Variants in TEX2 observed in about 807,000 individuals in gnomAD.
The protein encoded by TEX2 is testis-expressed protein 2.
A neutral mutation model predicts 106.9 loss-of-function variants in TEX2; 53 were observed. That is an observed-to-expected ratio of 0.50 (90% CI 0.40 to 0.62). TEX2 has a LOEUF of 0.62. Among genes scored for constraint, TEX2 ranks in the 20% least tolerant of loss-of-function variants. The pLI is 0.00. For synonymous variants in TEX2, 523 were observed against 534.8 expected, an observed-to-expected ratio of 0.98 and a Z score of 0.30; for missense variants, 1,207 against 1,379.0, an observed-to-expected ratio of 0.88 and a Z score of 1.98.
intron 2 of TEX2, among the ~76,000 whole-genome samples, chr17:64,203,095 ACC>A (rs2032721336): frequency 6.6e-6 from 1 of 152,230 alleles, no homozygotes; most frequent in Non-Finnish European, 1.5e-5. Flanking sequence ...AAGAACTACT[ACC>A]GTGCTTTCAG....
In TEX2 at chr17:64,213,959, C is replaced by A. The variant is rs782713537; in HGVS notation, c.259G>T (p.Gly87Cys). The A allele has an allele frequency of 6.2e-7, 1 of 1,614,032 alleles. No homozygotes were observed. The highest frequency in any genetic ancestry group is 1.3e-5 in the African/African-American group (1 of 74,912). ...LEPQVGHDPA[G>C]PAASPVLADG... ...GCCAGGACAGGCGAGGCAGCAGGGCCGGCGGGGTCATGGCCAACTTGGGGT... is the reference window on the plus strand; with the variant it reads ...GCCAGGACAGGCGAGGCAGCAGGGCAGGCGGGGTCATGGCCAACTTGGGGT... The change falls in exon 2 of 12, where the codon GGC (glycine) becomes TGC (cysteine). Residue 87 changes from glycine (G) to cysteine (C), a missense_variant. Gly to Cys is a radical substitution (Grantham distance 159). Coordinates refer to ENST00000584379, the MANE Select transcript of TEX2 (RefSeq NM_001288732.2). The surrounding 1 kb of genome is among the most constrained non-coding windows in gnomAD (Gnocchi z 4.4).
In TEX2 at chr17:64,193,940, T is replaced by C. The variant is rs111642957; in HGVS notation, c.1846-51A>G. 6 of 1,356,702 alleles carry C rather than the reference T, an allele frequency of 4.4e-6. No individual in the cohort carries two copies. In the African/African-American group the frequency reaches 5.8e-5, roughly 13 times the overall value. 84.0% of individuals were successfully genotyped at this position (1,356,702 alleles called of 1,614,324 possible). ...TATATATTAAAGATTGGCTACACTATGCATTAATATTATGCATAGCACAAA... is the reference window on the plus strand; with the variant it reads ...TATATATTAAAGATTGGCTACACTACGCATTAATATTATGCATAGCACAAA... On this transcript the variant is annotated intron_variant, in intron 3 of 11. Transcript: ENST00000584379.
intron 1 of TEX2, chr17:64,239,132 A>G (rs1361954902): frequency 6.6e-6 from 1 of 152,234 alleles, no homozygotes; most frequent in African/African-American, 2.4e-5. Context: ...ACAGAAATCA[A>G]ACATGTCTAG....
At chr17:64,252,118 G>T (rs2034104662) in intron 1 of TEX2, among the ~76,000 whole-genome samples, 1 of 152,276 alleles carries the variant, frequency 6.6e-6, no homozygotes, top group South Asian at 2.1e-4. Flanking sequence ...AAGAGGATCA[G>T]CCTCAAATCC....
chr17:64,219,433 GAGA>G (rs1279462849), intron 1 of TEX2, among the ~76,000 whole-genome samples: 1 of 151,952 alleles, frequency 6.6e-6, no homozygotes, highest in African/African-American at 2.4e-5. Flanking sequence ...TTGAAACTGA[GAGA>G]AGGAGGTTTC....
intron 8 of TEX2, among the ~76,000 whole-genome samples, chr17:64,159,083 G>A (rs2030765660): frequency 6.6e-6 from 1 of 152,210 alleles, no homozygotes; most frequent in African/African-American, 2.4e-5. Flanking sequence ...ATCGGCCAGA[G>A]TTTATGAACT....
chr17:64,175,177 A>T (rs1159836553), intron 6 of TEX2, among the ~76,000 whole-genome samples: 1 of 152,238 alleles, frequency 6.6e-6, no homozygotes, highest in Non-Finnish European at 1.5e-5. Flanking sequence ...AGGGGCGGTG[A>T]CAGCTTCAGA....
chr17:64,168,563 A>G (rs573172032), intron 7 of TEX2, among the ~76,000 whole-genome samples: 1 of 152,318 alleles, frequency 6.6e-6, no homozygotes, highest in South Asian at 2.1e-4. Context: ...GCCTGACCAA[A>G]GCTGCCCTGA....
chr17:64,168,590 A>C (rs2031246139), intron 7 of TEX2, among the ~76,000 whole-genome samples: 1 of 152,192 alleles, frequency 6.6e-6, no homozygotes, highest in East Asian at 1.9e-4. Context: ...GCAGAGTTCA[A>C]AGCCACAGGG....
At chr17:64,158,148 C>T (rs1567907543) in intron 8 of TEX2, among the ~76,000 whole-genome samples, 1 of 152,334 alleles carries the variant, frequency 6.6e-6, no homozygotes, top group Admixed American at 6.5e-5. Context: ...ACAGCAGACA[C>T]ATATTTCAAA....
intron 1 of TEX2, among the ~76,000 whole-genome samples, chr17:64,214,674 T>C (rs879967966): frequency 6.6e-6 from 1 of 152,254 alleles, no homozygotes; most frequent in Admixed American, 6.5e-5. Flanking sequence ...AGGAGTCTTG[T>C]AGCTGTAACA....
chr17:64,150,758 T>C (rs2030309999), intron 11 of TEX2, 83 bp downstream of exon 11: 1 of 1,470,450 alleles, frequency 6.8e-7, no homozygotes. Flanking sequence ...AAGAGGATCC[T>C]GACCCAGCTG....
intron 4 of TEX2, among the ~76,000 whole-genome samples, chr17:64,190,361 A>G (rs2032250406): frequency 6.6e-6 from 1 of 152,218 alleles, no homozygotes; most frequent in East Asian, 1.9e-4. Context: ...TGAAATCCAA[A>G]TAAAGATTAC....
At position 64,210,862 on chromosome 17, in the gene TEX2, G is replaced by A. The variant is rs573500048; in HGVS notation, c.1644+1712C>T. 4.6e-5 allele frequency among the ~76,000 whole-genome samples: 7 copies of A among 152,040 alleles called. No homozygotes were observed. In the South Asian group the frequency reaches 1.5e-3, roughly 32 times the overall value. Reference sequence around the variant, plus strand: ...CTCCTGTAACACAAGGAATTCTCCAGGCAGGTCTAGGCATGAACCTTCTGC... The same window carrying A: ...CTCCTGTAACACAAGGAATTCTCCAAGCAGGTCTAGGCATGAACCTTCTGC... On this transcript the variant is annotated intron_variant, in intron 2 of 11. Coordinates refer to ENST00000584379, the MANE Select transcript of TEX2 (RefSeq NM_001288732.2).
chr17:64,247,792 A>C (rs1441031194), intron 1 of TEX2, among the ~76,000 whole-genome samples: 1 of 152,174 alleles, frequency 6.6e-6, no homozygotes, highest in Non-Finnish European at 1.5e-5. Flanking sequence ...TGAACATCAA[A>C]GATCTCTCCC....
At chr17:64,190,915 C>G (rs1261635734) in intron 4 of TEX2, among the ~76,000 whole-genome samples, 1 of 152,178 alleles carries the variant, frequency 6.6e-6, no homozygotes, top group Admixed American at 6.5e-5. Context: ...GGCAGGTCGT[C>G]GAGCAGGAAG....
intron 7 of TEX2, among the ~76,000 whole-genome samples, chr17:64,162,564 A>T (rs965499626): frequency 7.2e-5 from 11 of 152,220 alleles, no homozygotes; most frequent in Non-Finnish European, 1.2e-4. Flanking sequence ...TACAAAATGG[A>T]AAGTTTTGCT....
intron 4 of TEX2, among the ~76,000 whole-genome samples, chr17:64,191,555 G>A (rs1313043642): frequency 2.0e-5 from 3 of 152,138 alleles, no homozygotes; most frequent in African/African-American, 7.2e-5. Flanking sequence ...AGTGGCTCAC[G>A]CCTGTAATCC....
At chr17:64,165,763 AC>A (rs1327406103) in intron 7 of TEX2, among the ~76,000 whole-genome samples, 2 of 152,188 alleles carry the variant, frequency 1.3e-5, no homozygotes, top group East Asian at 1.9e-4. Flanking sequence ...ATGTGAAGGC[AC>A]CAGGCACGTG....
Sources: gnomAD v4.1 joint callset for allele counts (sites outside exome capture counted in the v4.1 genomes callset) on GRCh38, gnomAD v4.1.1 for gene constraint, Gnocchi (gnomAD v3.1) non-coding constraint, MANE v1.5 for transcripts, NCBI Gene and HGNC (gene_info 2026-07-23, HGNC 2026-07-21) for gene names.